The following LINGO2 variants were observed in gnomAD, a reference collection of about 807,000 sequenced individuals.
LINGO2 encodes the protein leucine-rich repeat and immunoglobulin-like domain-containing nogo receptor-interacting protein 2.
In LINGO2, 14 loss-of-function variants were observed where a neutral mutation model predicts 30.6. That is an observed-to-expected ratio of 0.46 (90% CI 0.30 to 0.72). The LOEUF (loss-of-function observed/expected upper bound fraction) is 0.72. LINGO2 is among the 30% of genes least tolerant of loss of function. The pLI is 0.07. For synonymous variants in LINGO2, 317 were observed against 288.5 expected (o/e 1.10, Z -1.00); for missense variants, 729 against 751.7 (o/e 0.97, Z 0.35).
chr9:28,062,579 T>C (rs1825182989), intron 4 of LINGO2, among the ~76,000 whole-genome samples: 1 of 144,106 alleles, frequency 6.9e-6, no homozygotes, highest in Non-Finnish European at 1.5e-5. Flanking sequence ...ATATACACAA[T>C]CAAATATATA....
At position 28,166,915 on chromosome 9, in the gene LINGO2, T is replaced by G. The variant is rs948231775; in HGVS notation, c.-87+128293A>C. Among the ~76,000 whole-genome samples the G allele has an allele frequency of 3.9e-5, 6 of 152,282 alleles. No individual in the cohort carries two copies. In the South Asian group the frequency reaches 1.2e-3, roughly 32 times the overall value. ...TACTAAAGTATGACTCTTCTGGGGTTTCTATGAATGCCACAGACAGTCAAT... is the reference window on the plus strand; with the variant it reads ...TACTAAAGTATGACTCTTCTGGGGTGTCTATGAATGCCACAGACAGTCAAT... On this transcript the variant is annotated intron_variant, in intron 4 of 5. Coordinates refer to ENST00000379992, the Ensembl canonical transcript of LINGO2.
At chr9:29,075,691 GC>G in the LINGO2 span, among the ~76,000 whole-genome samples, 2 of 152,046 alleles carry the variant, frequency 1.3e-5, no homozygotes, top group Non-Finnish European at 2.9e-5. Flanking sequence ...AGGAAAAGAG[GC>G]ATTTCAGTTG....
At chr9:28,300,600 G>T (rs1486220192) in intron 3 of LINGO2, among the ~76,000 whole-genome samples, 1 of 151,990 alleles carries the variant, frequency 6.6e-6, no homozygotes, top group South Asian at 2.1e-4. Context: ...CCTTTCCTGA[G>T]TGTTTTATCC....
At chr9:27,997,880 C>T (rs1821746293) in intron 5 of LINGO2, among the ~76,000 whole-genome samples, 1 of 136,712 alleles carries the variant, frequency 7.3e-6, no homozygotes. Context: ...AGGTGTTATC[C>T]GTTTCAAAAT....
At chr9:28,465,651 C>T (rs1473680889) in intron 2 of LINGO2, among the ~76,000 whole-genome samples, 1 of 152,014 alleles carries the variant, frequency 6.6e-6, no homozygotes, top group East Asian at 1.9e-4. Context: ...AGCAAAGGAA[C>T]CAATCAAGAA....
At chr9:28,161,514 A>G (rs917083171) in intron 4 of LINGO2, among the ~76,000 whole-genome samples, 1 of 152,186 alleles carries the variant, frequency 6.6e-6, no homozygotes, top group African/African-American at 2.4e-5. Context: ...AGTGTAAGCT[A>G]AAAGATAGTA....
intron 5 of LINGO2, among the ~76,000 whole-genome samples, chr9:28,003,370 GATA>G (rs1563901809): frequency 3.5e-5 from 5 of 141,968 alleles, no homozygotes; most frequent in African/African-American, 1.3e-4. Flanking sequence ...TAGATAGATA[GATA>G]GATAGATAGA....
At chr9:27,964,459 T>A (rs1384236884) in intron 5 of LINGO2, among the ~76,000 whole-genome samples, 1 of 152,096 alleles carries the variant, frequency 6.6e-6, no homozygotes, top group East Asian at 1.9e-4. Flanking sequence ...TTGAAGCCTA[T>A]AAAGACAATG....
the LINGO2 span, among the ~76,000 whole-genome samples, chr9:28,758,808 C>G: frequency 6.6e-6 from 1 of 152,028 alleles, no homozygotes; most frequent in Non-Finnish European, 1.5e-5. Flanking sequence ...GTATCATTAG[C>G]TTTTAGTTGT....
At chr9:28,218,927 T>A (rs1334115977) in intron 4 of LINGO2, among the ~76,000 whole-genome samples, 1 of 152,204 alleles carries the variant, frequency 6.6e-6, no homozygotes, top group Non-Finnish European at 1.5e-5. Flanking sequence ...TGCCACTTAT[T>A]TCAAATTTTC....
chr9:28,307,192 G>T (rs938155481), intron 3 of LINGO2, among the ~76,000 whole-genome samples: 1 of 151,968 alleles, frequency 6.6e-6, no homozygotes, highest in South Asian at 2.1e-4. Flanking sequence ...AAAATACTGG[G>T]AAACCGAATC....
chr9:28,942,072 G>A, the LINGO2 span, among the ~76,000 whole-genome samples: 2 of 151,990 alleles, frequency 1.3e-5, no homozygotes, highest in African/African-American at 2.4e-5. Context: ...CCCCCAGGAC[G>A]GCATACCCTG....
the LINGO2 span, among the ~76,000 whole-genome samples, chr9:29,052,445 A>G: frequency 6.6e-6 from 1 of 152,208 alleles, no homozygotes; most frequent in Non-Finnish European, 1.5e-5. Flanking sequence ...CAAGGGCAGG[A>G]GAGTAGTGGA....
At chr9:28,828,825 T>A in the LINGO2 span, among the ~76,000 whole-genome samples, 1 of 152,084 alleles carries the variant, frequency 6.6e-6, no homozygotes, top group Non-Finnish European at 1.5e-5. Context: ...AATACACAAG[T>A]TTTACTACGA....
intron 3 of LINGO2, among the ~76,000 whole-genome samples, chr9:28,313,883 A>G (rs996147481): frequency 6.6e-6 from 1 of 152,072 alleles, no homozygotes; most frequent in African/African-American, 2.4e-5. Flanking sequence ...ATGTTCATAG[A>G]CTTAGTTGCT....
At position 28,532,850 on chromosome 9, in the gene LINGO2, A is replaced by T. The variant is rs145342694; in HGVS notation, c.-364-56825T>A. ...TAAATTGGGTTTTCTTTTCTATTATACATTTCTAATTACGTTTACTGCCTC... is the reference window on the plus strand; with the variant it reads ...TAAATTGGGTTTTCTTTTCTATTATTCATTTCTAATTACGTTTACTGCCTC... On this transcript the variant is annotated intron_variant, in intron 1 of 5. Coordinates refer to ENST00000379992, the Ensembl canonical transcript of LINGO2. 2.1e-3 allele frequency among the ~76,000 whole-genome samples: 313 copies of T among 152,050 alleles called. 3 individuals carry two copies. The highest frequency in any genetic ancestry group is 0.013 in the Admixed American group (205 of 15,260).
At chr9:28,084,312 A>C (rs751890416) in intron 4 of LINGO2, among the ~76,000 whole-genome samples, 32 of 152,124 alleles carry the variant, frequency 2.1e-4, no homozygotes, top group Non-Finnish European at 3.7e-4. Flanking sequence ...CTTGGTATCT[A>C]TTATGCACCT....
chr9:28,503,335 A>G (rs1379359299), intron 1 of LINGO2, among the ~76,000 whole-genome samples: 1 of 152,084 alleles, frequency 6.6e-6, no homozygotes, highest in Non-Finnish European at 1.5e-5. Flanking sequence ...ATTATAGTTG[A>G]TGAAGGCAAT....
intron 2 of LINGO2, among the ~76,000 whole-genome samples, chr9:28,461,395 G>A (rs1029134936): frequency 6.6e-6 from 1 of 151,886 alleles, no homozygotes; most frequent in Admixed American, 6.6e-5. Context: ...GGCCATACAG[G>A]GTATCTTAAA....
Sources: allele counts gnomAD v4.1 joint callset (sites outside exome capture counted in the v4.1 genomes callset), GRCh38; gene constraint gnomAD v4.1.1; transcripts MANE v1.5; gene names NCBI Gene and HGNC (gene_info 2026-07-23, HGNC 2026-07-21).